The following LONP1 variants were observed in gnomAD, a reference collection of about 807,000 sequenced individuals.
LONP1 encodes lon protease homolog, mitochondrial.
Under a neutral mutation model 98.5 loss-of-function variants are expected in LONP1, and 31 were observed. The observed-to-expected ratio is 0.31, with a 90% CI of 0.24 to 0.42. LONP1 has a LOEUF of 0.42. Among genes scored for constraint, LONP1 ranks in the 20% least tolerant of loss-of-function variants. The probability of loss-of-function intolerance (pLI) is 1.00; values close to 1 mark genes in which losing one functional copy is unlikely to be tolerated. For missense variants in LONP1, 1,336 were observed against 1,350.6 expected (o/e 0.99, Z 0.17); for synonymous variants, 781 against 594.7 (o/e 1.31, Z -4.56).
chr19:5,694,716 G>C (rs767002585), intron 14 of LONP1, 45 bp downstream of exon 14: 1 of 1,574,940 alleles, frequency 6.3e-7, no homozygotes, highest in African/African-American at 1.3e-5. Flanking sequence ...AGCGTGGGAT[G>C]GTGAGGTGGG....
At chr19:5,716,228 ATTCT>A (rs1357990905) in intron 1 of LONP1, among the ~76,000 whole-genome samples, 2 of 132,026 alleles carry the variant, frequency 1.5e-5, no homozygotes, top group Admixed American at 8.2e-5. Context: ...GAAGTTTTTA[ATTCT>A]TTATTATATA....
At chr19:5,694,727 C>T (rs752945589) in intron 14 of LONP1, 34 bp downstream of exon 14, 30 of 1,574,938 alleles carry the variant, frequency 1.9e-5, no homozygotes, top group South Asian at 6.7e-5. Flanking sequence ...GTGAGGTGGG[C>T]GGCAGGTGCC....
Position 5,691,946 on chromosome 19 carries a change from T to C in LONP1, c.*86A>G. 2 of 913,002 alleles carry C rather than the reference T, an allele frequency of 2.2e-6. No homozygotes were observed. Among genetic ancestry groups the C allele is most frequent in the African/African-American group, 1.6e-5 (1 of 64,140 alleles). The allele number at this position is 913,002 out of a possible 1,614,324, so 56.6% of individuals were successfully genotyped here. On this transcript the variant is annotated 3_prime_UTR_variant, in exon 18 of 18. Coordinates refer to ENST00000360614, the MANE Select transcript of LONP1 (RefSeq NM_004793.4). ...CGAGCTGCTCGCTCGGTGGCTCCACTGCCAGGTCCGGGCGCGCTCCCCACA... is the reference window on the plus strand; with the variant it reads ...CGAGCTGCTCGCTCGGTGGCTCCACCGCCAGGTCCGGGCGCGCTCCCCACA...
At chr19:5,701,210 C>G (rs1239906420) in intron 8 of LONP1, among the ~76,000 whole-genome samples, 3 of 152,212 alleles carry the variant, frequency 2.0e-5, no homozygotes, top group African/African-American at 7.2e-5. Flanking sequence ...TTTTGGGAGG[C>G]CGAGGCAGGC....
At chr19:5,708,680 G>A (rs1051498661) in intron 4 of LONP1, 7 of 385,250 alleles carry the variant, frequency 1.8e-5, no homozygotes, top group Non-Finnish European at 2.9e-5. Flanking sequence ...TATCTCAGGG[G>A]AAAAAAAGAG....
intron 4 of LONP1, among the ~76,000 whole-genome samples, chr19:5,711,038 G>GA (rs369130620): frequency 0.072 from 10,537 of 145,372 alleles, 816 homozygotes; most frequent in African/African-American, 0.19. Flanking sequence ...AAAAAAGAAA[G>GA]AAAAAAAAAA....
intron 1 of LONP1, chr19:5,717,551 G>T (rs1017622043): frequency 1.3e-5 from 2 of 152,228 alleles, no homozygotes; most frequent in African/African-American, 4.8e-5. Context: ...CGGGAGCAAG[G>T]GGCATCTGTC....
chr19:5,710,706 C>T lies in LONP1; in HGVS notation c.870+1065G>A, dbSNP rs114611591. On this transcript the variant is annotated intron_variant, in intron 4 of 17. Coordinates refer to ENST00000360614, the MANE Select transcript of LONP1 (RefSeq NM_004793.4). ...AAAATGTTCCATTCTGTTCCTTGGC[C>T]ACAGCAGCTCTACTTCAAGTGCTCA... Among the ~76,000 whole-genome samples, 229 of 152,188 alleles carry T rather than the reference C, an allele frequency of 1.5e-3. 1 individual carries two copies. Among genetic ancestry groups the T allele is most frequent in the African/African-American group, 5.3e-3 (221 of 41,528 alleles).
chr19:5,708,468 G>GGGGGGGGGCC, intron 4 of LONP1, 65 bp from the exon 5 acceptor site: 1 of 551,268 alleles, frequency 1.8e-6, no homozygotes, highest in East Asian at 4.7e-5. Flanking sequence ...GGCTGGGTGG[G>GGGGGGGGGCC]AGCATGGCCC....
chr19:5,695,950 G>C (rs1164079051), intron 13 of LONP1, 104 bp downstream of exon 13: 2 of 991,588 alleles, frequency 2.0e-6, no homozygotes, highest in East Asian at 2.6e-5. Flanking sequence ...GGTCCCACCT[G>C]TCTCTCCCGG....
At chr19:5,705,744 G>A in intron 8 of LONP1, 28 bp downstream of exon 8, 1 of 1,608,106 alleles carries the variant, frequency 6.2e-7, no homozygotes, top group Non-Finnish European at 8.5e-7. Context: ...TCACCTGAGG[G>A]CTGGGCCGCC....
chr19:5,696,599 C>A (rs550812887), intron 11 of LONP1, 71 bp downstream of exon 11: 77 of 1,502,614 alleles, frequency 5.1e-5, no homozygotes, highest in Non-Finnish European at 6.8e-5. Flanking sequence ...ATCCTAGGAC[C>A]CGGAAGGCTC....
chr19:5,708,079 C>G (rs2055176771), intron 5 of LONP1: 2 of 607,956 alleles, frequency 3.3e-6, no homozygotes, highest in Non-Finnish European at 5.8e-6. Flanking sequence ...CCTCAGCAGT[C>G]TGCTCCCCAC....
chr19:5,707,559 G>A lies in LONP1; in HGVS notation c.1062+138C>T. 3 of 855,834 alleles carry A rather than the reference G, an allele frequency of 3.5e-6. No homozygotes were observed. In the Admixed American group the frequency reaches 6.7e-5, roughly 19 times the overall value. 53.0% of individuals were successfully genotyped at this position (855,834 alleles called of 1,614,324 possible). A position where few individuals can be genotyped will look rare whatever the true frequency, so the allele number is the denominator to read the frequency against. Reference sequence around the variant, plus strand: ...AGCCAGGGACACACAGCTGGGTGTGGATGGTGCACGGTGGAGGGACAAGGG... The same window carrying A: ...AGCCAGGGACACACAGCTGGGTGTGAATGGTGCACGGTGGAGGGACAAGGG... On this transcript the variant is annotated intron_variant, in intron 6 of 17. Transcript: ENST00000360614.
At chr19:5,694,333 T>A in intron 15 of LONP1, 54 bp downstream of exon 15, 1 of 1,598,716 alleles carries the variant, frequency 6.3e-7, no homozygotes, top group South Asian at 1.1e-5. Context: ...GACCTGCTTG[T>A]TCTCGGGTAG....
chr19:5,715,914 C>T (rs2055311115), intron 1 of LONP1, among the ~76,000 whole-genome samples: 1 of 151,952 alleles, frequency 6.6e-6, no homozygotes, highest in Non-Finnish European at 1.5e-5. Flanking sequence ...CTTATCACAT[C>T]ATATGCTGTT....
chr19:5,716,259 C>CATACATATATAT (rs1555714148), intron 1 of LONP1, among the ~76,000 whole-genome samples: 12 of 77,208 alleles, frequency 1.6e-4, no homozygotes, highest in Non-Finnish European at 2.3e-4. Flanking sequence ...TTAAAATATA[C>CATACATATATAT]ATATATATAT....
At chr19:5,710,855 G>A (rs1399241197) in intron 4 of LONP1, among the ~76,000 whole-genome samples, 1 of 151,964 alleles carries the variant, frequency 6.6e-6, no homozygotes, top group Non-Finnish European at 1.5e-5. Context: ...GTAAAACCTC[G>A]TCTCTACTAA....
At position 5,713,223 on chromosome 19, in the gene LONP1, A is replaced by T; in HGVS notation, c.549T>A (p.Asp183Glu). ...SNESDVVESL[D>E]EIYHTGTFAQ... ...CAAACGTCCCCGTGTGGTAGATTTC[A>T]TCCAGGCTCTCGACCACATCCGACT... is the stretch of plus-strand genomic sequence containing the variant. Residue 183 changes from aspartate (D) to glutamate (E), a missense_variant, in exon 3 of 18, where the codon GAT (aspartate) becomes GAA (glutamate). Physicochemically the swap from Asp to Glu is conservative, Grantham distance 45. Coordinates refer to ENST00000360614, the MANE Select transcript of LONP1 (RefSeq NM_004793.4). 1 of 1,614,146 alleles carries T rather than the reference A, an allele frequency of 6.2e-7. No individual in the cohort carries two copies. Among genetic ancestry groups the T allele is most frequent in the Non-Finnish European group, 8.5e-7 (1 of 1,180,010 alleles).
Sources: allele counts gnomAD v4.1 joint callset (sites outside exome capture counted in the v4.1 genomes callset), GRCh38; gene constraint gnomAD v4.1.1; transcripts MANE v1.5; gene names NCBI Gene and HGNC (gene_info 2026-07-23, HGNC 2026-07-21).